Variants in SYS1 observed in about 807,000 individuals in gnomAD.
SYS1 encodes the protein SYS1 golgi trafficking protein.
A neutral mutation model predicts 17.8 loss-of-function variants in SYS1; 8 were observed. The observed-to-expected ratio is 0.45, with a 90% CI of 0.26 to 0.81. SYS1 has a LOEUF of 0.81. Among genes scored for constraint, SYS1 ranks in the 40% least tolerant of loss-of-function variants. The pLI, the probability that SYS1 is intolerant of heterozygous loss-of-function variation, is 0.16. For synonymous variants in SYS1, 95 were observed against 90.9 expected (o/e 1.05, Z -0.26); for missense variants, 161 against 203.9 (o/e 0.79, Z 1.28).
At chr20:45,373,724 G>A (rs1988628076), downstream of SYS1, 1 of 610,468 alleles carries the variant, frequency 1.6e-6, no homozygotes, top group Non-Finnish European at 2.9e-6. Flanking sequence ...AGGTGGGGGA[G>A]GGGTGCTGCT....
At chr20:45,372,203 C>A (rs6032145), downstream of SYS1, among the ~76,000 whole-genome samples, 1 of 152,274 alleles carries the variant, frequency 6.6e-6, no homozygotes, top group African/African-American at 2.4e-5. Flanking sequence ...GCCTAAGTGC[C>A]GGGGCAGGTG....
chr20:45,363,317 T>A lies in SYS1; in HGVS notation c.-4+2T>A. On this transcript the variant is annotated splice_donor_variant, in intron 1 of 3. Transcript: ENST00000243918. LOFTEE classifies it low-confidence loss of function (5UTR_SPLICE). ...CTTCGATCGTCGAGTCTGTCACTGG[T>A]GAGTAGACCCCAGAGGAGCTCGTGT... is the stretch of plus-strand genomic sequence containing the variant. 2 of 1,382,358 alleles carry A rather than the reference T, an allele frequency of 1.4e-6. No homozygotes were observed. 85.6% of individuals were successfully genotyped at this position (1,382,358 alleles called of 1,614,324 possible).
At chr20:45,362,461 G>A (rs1988253709), upstream of SYS1, among the ~76,000 whole-genome samples, 1 of 152,020 alleles carries the variant, frequency 6.6e-6, no homozygotes, top group African/African-American at 2.4e-5. Context: ...CTGCCTCCCG[G>A]GTTCAAGCAA....
downstream of SYS1, among the ~76,000 whole-genome samples, chr20:45,371,965 G>T (rs1701788587): frequency 6.6e-6 from 1 of 152,202 alleles, no homozygotes; most frequent in Non-Finnish European, 1.5e-5. Flanking sequence ...CATGAAATAG[G>T]CTCAGAGAGG....
chr20:45,366,839 A>G, intron 3 of SYS1, 36 bp from the exon 4 acceptor site: 4 of 1,576,176 alleles, frequency 2.5e-6, no homozygotes, highest in Non-Finnish European at 3.5e-6. Flanking sequence ...GGCCAGGACA[A>G]CCCAGTGACA....
At chr20:45,365,181 G>C (rs988821567) in intron 2 of SYS1, 1 of 289,892 alleles carries the variant, frequency 3.4e-6, no homozygotes, top group Non-Finnish European at 6.8e-6. Flanking sequence ...AAGGATTTTA[G>C]GTCACAATTA....
exon 4 of SYS1, chr20:45,374,366 G>A: frequency 1.5e-6 from 1 of 647,096 alleles, no homozygotes; most frequent in Admixed American, 2.6e-5. Context: ...TCGACTCCTG[G>A]GCTTAAGCGA....
rs191115383 is a variant in SYS1 at position 45,366,028 on chromosome 20, A to G, written c.230+342A>G. 1.1e-3 allele frequency among the ~76,000 whole-genome samples: 161 copies of G among 152,296 alleles called. 1 individual carries two copies. Among genetic ancestry groups the G allele is most frequent in the Admixed American group, 9.8e-3 (150 of 15,300 alleles). ...TGTGCCATTGGCCAAGTTACTTGCC[A>G]TGGGCCTCAGGCTCCTCTTTTGTCC... On this transcript the variant is annotated intron_variant, in intron 3 of 3. Transcript: ENST00000243918.
upstream of SYS1, chr20:45,361,991 A>G (rs887182111): frequency 8.1e-6 from 8 of 985,238 alleles, no homozygotes; most frequent in African/African-American, 3.5e-5. Context: ...CCTAGGATCA[A>G]TGAAGTTGAT....
chr20:45,367,292 C>T lies in SYS1; in HGVS notation c.*177C>T, dbSNP rs1289239898. ...AGAAGGCAGGTAGCAGTCAGCATGACAGCTGCAAGAATGACCTCTGTCTGT... is the reference window on the plus strand; with the variant it reads ...AGAAGGCAGGTAGCAGTCAGCATGATAGCTGCAAGAATGACCTCTGTCTGT... On this transcript the variant is annotated 3_prime_UTR_variant, in exon 4 of 4. Coordinates refer to ENST00000243918, the MANE Select transcript of SYS1 (RefSeq NM_033542.4). 4 of 1,431,652 alleles carry T rather than the reference C, an allele frequency of 2.8e-6. No homozygotes were observed. The highest frequency in any genetic ancestry group is 1.5e-5 in the South Asian group (1 of 67,208). 88.7% of individuals were successfully genotyped at this position (1,431,652 alleles called of 1,614,324 possible).
chr20:45,363,348 CG>C, intron 1 of SYS1, 33 bp downstream of exon 1: 2 of 1,425,110 alleles, frequency 1.4e-6, no homozygotes, highest in Non-Finnish European at 1.8e-6. Context: ...CGTGTACGGG[CG>C]GGGGCCGCGC....
downstream of SYS1, among the ~76,000 whole-genome samples, chr20:45,371,823 T>A (rs1357414363): frequency 6.6e-6 from 1 of 152,220 alleles, no homozygotes; most frequent in Non-Finnish European, 1.5e-5. Context: ...CAGGGCTTTA[T>A]TATGATGGCC....
rs747609167 is a variant in SYS1 at position 45,375,227 on chromosome 20, T to C, written c.*933T>C. 1.9e-6 allele frequency: 3 copies of C among 1,613,870 alleles called. No individual in the cohort carries two copies. Among genetic ancestry groups the C allele is most frequent in the Non-Finnish European group, 2.5e-6 (3 of 1,179,948 alleles). ...AGCTGCTTCATGTGCCCCATGGGAG[T>C]TCTATTGCGGTAGGGCTTAATGAAG... On this transcript the variant is annotated 3_prime_UTR_variant, in exon 4 of 4. Transcript: ENST00000426004.
rs2248637 is a variant in SYS1 at position 45,368,600 on chromosome 20, A to G, written c.*1485A>G. The G allele has an allele frequency of 0.78, 764,862 of 985,166 alleles. 297,545 individuals carry two copies. The highest frequency in any genetic ancestry group is 0.85 in the African/African-American group (48,918 of 57,270). 61.0% of individuals were successfully genotyped at this position (985,166 alleles called of 1,614,324 possible). ...GGGAGTTGATGCTGACAGGATGAAG[A>G]TTTAGGAATAAATATGCCTGGGAAG... On this transcript the variant is annotated 3_prime_UTR_variant, in exon 4 of 4. Coordinates refer to ENST00000243918, the MANE Select transcript of SYS1 (RefSeq NM_033542.4).
chr20:45,369,685 C>G (rs902345422), downstream of SYS1, among the ~76,000 whole-genome samples: 9 of 150,590 alleles, frequency 6.0e-5, no homozygotes, highest in African/African-American at 2.2e-4. Flanking sequence ...TCATCATAGC[C>G]TCAACCTCCC....
chr20:45,366,911 G>A lies in SYS1; in HGVS notation c.267G>A (p.Lys89=), dbSNP rs150112935. ...LGLLYFIRRG[K]QCLDFTVTVH... ...TGCTGTACTTCATCCGGCGAGGAAAGCAGTGTCTGGATTTCACTGTCACTG... is the reference window on the plus strand; with the variant it reads ...TGCTGTACTTCATCCGGCGAGGAAAACAGTGTCTGGATTTCACTGTCACTG... Residue 89 remains lysine (K), a synonymous_variant, in exon 4 of 4, where the codon AAG becomes AAA. Coordinates refer to ENST00000243918, the MANE Select transcript of SYS1 (RefSeq NM_033542.4). 8.3e-4 allele frequency: 1,337 copies of A among 1,614,178 alleles called. 14 individuals carry two copies. In the African/African-American group the frequency reaches 0.016, roughly 20 times the overall value.
Position 45,363,707 on chromosome 20 carries a change from A to G in SYS1, c.162+14A>G. 5 of 1,553,544 alleles carry G rather than the reference A, an allele frequency of 3.2e-6. No homozygotes were observed. Among genetic ancestry groups the G allele is most frequent in the Non-Finnish European group, 3.5e-6 (4 of 1,151,874 alleles). On this transcript the variant is annotated intron_variant, in intron 2 of 3. Coordinates refer to ENST00000243918, the MANE Select transcript of SYS1 (RefSeq NM_033542.4). ...TTCGACGCCGAGGTAGGGTCCCCGG[A>G]CTGGGGCGGGTGGGGTCTCGGCCTC...
chr20:45,366,141 C>T (rs1988406304), intron 3 of SYS1, among the ~76,000 whole-genome samples: 1 of 152,182 alleles, frequency 6.6e-6, no homozygotes, highest in Non-Finnish European at 1.5e-5. Flanking sequence ...GTCAAGGTGT[C>T]AGGCTCTGGA....
rs952884973 is a variant in SYS1, at chr20:45,368,722, G to T, written c.*1607G>T. ...TTGTTAATGAGGCACAGTAATCCTG[G>T]CTGCAGGGTCTAGGAGGTAAGACCA... On this transcript the variant is annotated 3_prime_UTR_variant, in exon 4 of 4. Transcript: ENST00000243918. 4.1e-6 allele frequency: 4 copies of T among 985,342 alleles called. No individual in the cohort carries two copies. The highest frequency in any genetic ancestry group is 4.8e-6 in the Non-Finnish European group (4 of 829,972). The allele number at this position is 985,342 out of a possible 1,614,324, so 61.0% of individuals were successfully genotyped here.
Sources: allele counts gnomAD v4.1 joint callset (sites outside exome capture counted in the v4.1 genomes callset), GRCh38; gene constraint gnomAD v4.1.1; transcripts MANE v1.5; gene names NCBI Gene and HGNC (gene_info 2026-07-23, HGNC 2026-07-21).